The following CHD6 variants were observed in gnomAD, a reference collection of about 807,000 sequenced individuals.
The protein encoded by CHD6 is chromodomain helicase DNA binding protein 6, also known as ATP-dependent chromatin remodeler CHD6.
Under a neutral mutation model 276.9 loss-of-function variants are expected in CHD6, and 50 were observed. The ratio of observed to expected loss-of-function variants is 0.18; its 90% CI spans 0.14 to 0.23. CHD6 has a LOEUF of 0.23. CHD6 is among the 10% of genes least tolerant of loss of function. The pLI is 1.00. For missense variants in CHD6, 2,564 were observed against 3,365.8 expected (o/e 0.76, Z 5.89); for synonymous variants, 1,173 against 1,229.3 (o/e 0.95, Z 0.96).
chr20:41,563,016 G>A (rs1241248109), intron 1 of CHD6, among the ~76,000 whole-genome samples: 1 of 152,190 alleles, frequency 6.6e-6, no homozygotes, highest in East Asian at 1.9e-4. Flanking sequence ...CTGAAAGGAT[G>A]CATTACCATC....
At chr20:41,489,745 G>C (rs747168952) in intron 12 of CHD6, 33 bp downstream of exon 12, 1 of 1,612,958 alleles carries the variant, frequency 6.2e-7, no homozygotes, top group South Asian at 1.1e-5. Flanking sequence ...AGCTTAGGCA[G>C]TCCCTGGGTC....
chr20:41,469,244 T>A (rs986818326), intron 17 of CHD6, among the ~76,000 whole-genome samples: 2 of 152,192 alleles, frequency 1.3e-5, no homozygotes, highest in Admixed American at 6.5e-5. Flanking sequence ...TCCCACACTT[T>A]CTGAATTCTG....
At chr20:41,551,481 T>G (rs1313436146) in intron 1 of CHD6, 121 bp from the exon 2 acceptor site, 1 of 572,358 alleles carries the variant, frequency 1.7e-6, no homozygotes, top group African/African-American at 1.9e-5. Flanking sequence ...TGCAGAACAT[T>G]TATGTCCAAC....
intron 3 of CHD6, 72 bp from the exon 4 acceptor site, chr20:41,515,024 C>G: frequency 6.8e-7 from 1 of 1,478,376 alleles, no homozygotes; most frequent in Non-Finnish European, 9.3e-7. Context: ...TGATCAACGT[C>G]ATGAAATCAC....
rs767099820 is a variant in CHD6, at chr20:41,457,445, T to C, written c.2665-17A>G. ...GGCCTGAGCCTGGGAAGAAGAAGAG[T>C]CATATGCATCACGTCACCGTATGTA... On this transcript the variant is annotated splice_polypyrimidine_tract_variant and intron_variant, in intron 17 of 36. Coordinates refer to ENST00000373233, the MANE Select transcript of CHD6 (RefSeq NM_032221.5). The C allele has an allele frequency of 6.2e-7, 1 of 1,601,306 alleles. No individual in the cohort carries two copies. The highest frequency in any genetic ancestry group is 1.7e-5 in the Admixed American group (1 of 59,770).
Position 41,404,523 on chromosome 20 carries a change from G to T in CHD6, c.*70C>A. On this transcript the variant is annotated 3_prime_UTR_variant, in exon 37 of 37. Coordinates refer to ENST00000373233, the MANE Select transcript of CHD6 (RefSeq NM_032221.5). The stretch of plus-strand genomic sequence containing the variant: ...ACACAGGTTCTTATGGAGGTGAAGT[G>T]AGGGAAGTAACAAACCTTTATGGGA... The T allele has an allele frequency of 6.9e-7, 1 of 1,442,630 alleles. No individual in the cohort carries two copies. Among genetic ancestry groups the T allele is most frequent in the South Asian group, 1.9e-5 (1 of 53,648 alleles). The allele number at this position is 1,442,630 out of a possible 1,614,324, so 89.4% of individuals were successfully genotyped here.
intron 5 of CHD6, among the ~76,000 whole-genome samples, chr20:41,503,775 T>C (rs544661188): frequency 2.6e-5 from 4 of 152,014 alleles, no homozygotes; most frequent in Non-Finnish European, 2.9e-5. Context: ...AGCACTCCAA[T>C]CAGAAATACT....
chr20:41,463,299 T>G (rs761366797), intron 17 of CHD6, among the ~76,000 whole-genome samples: 11 of 152,196 alleles, frequency 7.2e-5, no homozygotes, highest in Non-Finnish European at 1.2e-4. Context: ...GTAACCATCA[T>G]AGTGATGACT....
chr20:41,414,320 A>C (rs1483765240), intron 34 of CHD6: 1 of 152,240 alleles, frequency 6.6e-6, no homozygotes, highest in Non-Finnish European at 1.5e-5. Context: ...AAATTATTTA[A>C]TGCTTTAAAG....
rs1391200448 is a variant in CHD6 at position 41,420,766 on chromosome 20, T to C, written c.5869A>G (p.Ile1957Val). 6.2e-7 allele frequency: 1 copy of C among 1,614,226 alleles called. No individual in the cohort carries two copies. Among genetic ancestry groups the C allele is most frequent in the South Asian group, 1.1e-5 (1 of 91,088 alleles). The stretch of plus-strand genomic sequence containing the variant: ...GGGATATAAGCCTTGGGTTTCTCGA[T>C]TTCAAATTCATCATTCTCGAGGCCA... ...MHGLENDEFE[I>V]EKPKAYIPDL... is the part of the protein sequence containing the mutation. The change falls in exon 31 of 37, where the codon ATC becomes GTC. Residue 1957 changes from isoleucine (I) to valine (V), a missense_variant. Ile to Val is a conservative substitution (Grantham distance 29). Around this residue, in one of 7 missense-constraint regions of CHD6, gnomAD observed 1,024 missense variants for 1,047.9 expected, o/e 0.98. Transcript: ENST00000373233.
intron 1 of CHD6, among the ~76,000 whole-genome samples, chr20:41,592,770 G>A (rs1455680910): frequency 2.6e-5 from 4 of 152,118 alleles, no homozygotes; most frequent in East Asian, 1.9e-4. Flanking sequence ...GAGAACACCC[G>A]GGGATGCCAT....
At chr20:41,616,773 C>T (rs2045937793) in intron 1 of CHD6, among the ~76,000 whole-genome samples, 1 of 152,058 alleles carries the variant, frequency 6.6e-6, no homozygotes, top group East Asian at 1.9e-4. Flanking sequence ...AAACACAGAT[C>T]TCAAATCTTC....
chr20:41,601,881 T>A (rs867170821), intron 1 of CHD6, among the ~76,000 whole-genome samples: 3 of 152,218 alleles, frequency 2.0e-5, no homozygotes, highest in African/African-American at 7.2e-5. Flanking sequence ...TCAGTTTTAT[T>A]TGGTCCTGTC....
chr20:41,615,804 C>G (rs1340365055), intron 1 of CHD6, among the ~76,000 whole-genome samples: 1 of 152,186 alleles, frequency 6.6e-6, no homozygotes. Flanking sequence ...GAGAATCAAG[C>G]CTGATGTTGT....
intron 17 of CHD6, among the ~76,000 whole-genome samples, chr20:41,471,540 GT>G (rs11086805): frequency 0.45 from 65,817 of 145,542 alleles, 17,353 homozygotes; most frequent in African/African-American, 0.75. Flanking sequence ...AATATTTTCA[GT>G]TTTTTTTTTT....
At chr20:41,493,229 C>T (rs898353764) in intron 10 of CHD6, among the ~76,000 whole-genome samples, 2 of 152,074 alleles carry the variant, frequency 1.3e-5, no homozygotes, top group Admixed American at 1.3e-4. Context: ...TTCTCTTGCA[C>T]ACCAGCCATT....
Position 41,455,665 on chromosome 20 carries a change from G to C in CHD6, c.3009+135C>G, listed in dbSNP as rs969734643. On this transcript the variant is annotated intron_variant, in intron 19 of 36. Transcript: ENST00000373233. The stretch of plus-strand genomic sequence containing the variant: ...CTCTAAGGATCTATATCTTTAGATA[G>C]TCACGCAGACTAAATGTGCAGCCAA... 4.8e-5 allele frequency: 29 copies of C among 610,032 alleles called. No individual in the cohort carries two copies. The East Asian group carries it at 8.0e-4, about 17-fold the overall frequency. 37.8% of individuals were successfully genotyped at this position (610,032 alleles called of 1,614,324 possible). A position where few individuals can be genotyped will look rare whatever the true frequency, so the allele number is the denominator to read the frequency against.
chr20:41,508,365 C>T (rs375972420), intron 5 of CHD6, among the ~76,000 whole-genome samples: 27 of 152,096 alleles, frequency 1.8e-4, no homozygotes, highest in African/African-American at 6.3e-4. Flanking sequence ...TGATCTAACA[C>T]GGGAGTTAAA....
At chr20:41,501,636 T>C (rs1049060486) in intron 5 of CHD6, among the ~76,000 whole-genome samples, 1 of 152,198 alleles carries the variant, frequency 6.6e-6, no homozygotes, top group Admixed American at 6.5e-5. Flanking sequence ...GGTGGAAAAA[T>C]ATGCTCATTT....
Sources: gnomAD v4.1 joint callset for allele counts (sites outside exome capture counted in the v4.1 genomes callset) on GRCh38, gnomAD v4.1.1 for gene constraint, gnomAD v4.1.1 regional missense constraint, MANE v1.5 for transcripts, NCBI Gene and HGNC (gene_info 2026-07-23, HGNC 2026-07-21) for gene names.